Variants in TTK observed in about 807,000 individuals in gnomAD.
TTK encodes the protein TTK protein kinase.
Under a neutral mutation model 117.3 loss-of-function variants are expected in TTK, and 59 were observed. The ratio of observed to expected loss-of-function variants is 0.50; its 90% CI spans 0.41 to 0.62. The LOEUF (loss-of-function observed/expected upper bound fraction) is 0.62. Among genes scored for constraint, TTK ranks in the 20% least tolerant of loss-of-function variants. The probability of loss-of-function intolerance (pLI) is 0.00; values close to 1 mark genes in which losing one functional copy is unlikely to be tolerated. For synonymous variants in TTK, 302 were observed against 325.0 expected, an observed-to-expected ratio of 0.93 and a Z score of 0.76; for missense variants, 921 against 989.4, an observed-to-expected ratio of 0.93 and a Z score of 0.93.
In TTK at chr6:80,035,410, T is replaced by A. The variant is rs1164609977; in HGVS notation, c.1917T>A (p.His639Gln). 6.2e-7 allele frequency: 1 copy of A among 1,601,862 alleles called. No individual in the cohort carries two copies. The highest frequency in any genetic ancestry group is 8.5e-7 in the Non-Finnish European group (1 of 1,176,478). ...TGTTAGAGGCAGTTCACACAATCCA[T>A]CAACATGGTATTTAACAGTTTTTTT... is the stretch of plus-strand genomic sequence containing the variant. ...KNMLEAVHTI[H>Q]QHGIVHSDLK... Residue 639 changes from histidine (H) to glutamine (Q), a missense_variant, in exon 16 of 22, where the codon CAT (histidine) becomes CAA (glutamine). Transcript: ENST00000369798.
At chr6:80,014,798 G>A (rs1767261298) in intron 10 of TTK, among the ~76,000 whole-genome samples, 1 of 152,188 alleles carries the variant, frequency 6.6e-6, no homozygotes, top group African/African-American at 2.4e-5. Flanking sequence ...AAAAGAAAGA[G>A]TGGAGGGAAA....
chr6:80,039,513 C>G (rs143791437), intron 18 of TTK, among the ~76,000 whole-genome samples, 183 bp from the exon 19 acceptor site: 81 of 151,878 alleles, frequency 5.3e-4, no homozygotes, highest in African/African-American at 1.9e-3. Flanking sequence ...AAGCTCATAT[C>G]TTCTGATGGA....
chr6:80,006,173 A>G (rs1341758201), intron 2 of TTK, 191 bp downstream of exon 2: 4 of 669,350 alleles, frequency 6.0e-6, no homozygotes, highest in South Asian at 1.5e-5. Context: ...TGTCTGGCAC[A>G]TGGTAGGTAG....
chr6:80,040,341 A>C (rs571446976), intron 20 of TTK, 61 bp downstream of exon 20: 2 of 1,346,120 alleles, frequency 1.5e-6, no homozygotes, highest in East Asian at 4.9e-5. Context: ...TCTGTTACCT[A>C]TTAATATAAC....
intron 20 of TTK, 142 bp downstream of exon 20, chr6:80,040,422 A>G: frequency 3.3e-6 from 3 of 918,380 alleles, no homozygotes; most frequent in Non-Finnish European, 3.2e-6. Context: ...ATTATTATAA[A>G]TAGTAAAGTA....
chr6:80,028,026 A>G lies in TTK; in HGVS notation c.1521+15A>G. 4 of 1,586,108 alleles carry G rather than the reference A, an allele frequency of 2.5e-6. No individual in the cohort carries two copies. Among genetic ancestry groups the G allele is most frequent in the Non-Finnish European group, 3.4e-6 (4 of 1,167,774 alleles). On this transcript the variant is annotated intron_variant, in intron 13 of 21. Transcript: ENST00000369798. ...AAAATTTACAGGTTCGATAAGCTTT[A>G]TATATGATGGTATATGTTAAGATAC...
At position 80,039,730 on chromosome 6, in the gene TTK, G is replaced by A. The variant is rs1345780743; in HGVS notation, c.2165G>A (p.Cys722Tyr). The change falls in exon 19 of 22, where the codon TGT (cysteine) becomes TAT (tyrosine). Residue 722 changes from cysteine to tyrosine, a missense_variant. Transcript: ENST00000369798. ...SPKSDVWSLG[C>Y]ILYYMTYGKT... ...AAAAGTGATGTTTGGTCCTTAGGAT[G>A]TATTTTGTACTATATGACTTACGGG... The A allele has an allele frequency of 1.3e-6, 2 of 1,556,070 alleles. No individual in the cohort carries two copies. Among genetic ancestry groups the A allele is most frequent in the Admixed American group, 1.9e-5 (1 of 52,042 alleles).
At chr6:80,019,062 C>CT (rs1433245035) in intron 10 of TTK, among the ~76,000 whole-genome samples, 1 of 152,106 alleles carries the variant, frequency 6.6e-6, no homozygotes, top group Non-Finnish European at 1.5e-5. Context: ...TTTTTATCTC[C>CT]TTTGTCTATC....
chr6:80,026,250 A>C lies in TTK; in HGVS notation c.1258-128A>C, dbSNP rs1009383717. Reference sequence around the variant, plus strand: ...AAGTCTAAAATGTATATATATGCCTATCTCTTTTAGTATGCCTTTGTATAT... The same window carrying C: ...AAGTCTAAAATGTATATATATGCCTCTCTCTTTTAGTATGCCTTTGTATAT... On this transcript the variant is annotated intron_variant, in intron 11 of 21. Transcript: ENST00000369798. 4.2e-6 allele frequency: 4 copies of C among 950,238 alleles called. No homozygotes were observed. In the African/African-American group the frequency reaches 6.8e-5, roughly 16 times the overall value. 58.9% of individuals were successfully genotyped at this position (950,238 alleles called of 1,614,324 possible). A position where few individuals can be genotyped will look rare whatever the true frequency, so the allele number is the denominator to read the frequency against.
chr6:80,006,675 G>A (rs1767003001), intron 2 of TTK, among the ~76,000 whole-genome samples: 1 of 152,110 alleles, frequency 6.6e-6, no homozygotes, highest in Non-Finnish European at 1.5e-5. Flanking sequence ...TTTATTTGTT[G>A]ATTAGAGGAA....
chr6:80,034,252 G>A (rs1174486539), intron 14 of TTK, among the ~76,000 whole-genome samples: 2 of 152,092 alleles, frequency 1.3e-5, no homozygotes, highest in African/African-American at 4.8e-5. Flanking sequence ...CAGTCATGGG[G>A]TAATGAGAAT....
At chr6:80,031,305 T>G (rs1284666557) in intron 13 of TTK, among the ~76,000 whole-genome samples, 162 bp from the exon 14 acceptor site, 4 of 151,852 alleles carry the variant, frequency 2.6e-5, no homozygotes, top group Non-Finnish European at 5.9e-5. Context: ...TTTTAAGGTT[T>G]TTTTTCTTTG....
intron 10 of TTK, among the ~76,000 whole-genome samples, chr6:80,020,737 A>G (rs962476987): frequency 6.6e-6 from 1 of 152,240 alleles, no homozygotes; most frequent in African/African-American, 2.4e-5. Flanking sequence ...GATGACAAAA[A>G]TCAGAGGCCA....
chr6:80,040,792 G>T, intron 21 of TTK, 89 bp downstream of exon 21: 1 of 1,212,936 alleles, frequency 8.2e-7, no homozygotes, highest in Non-Finnish European at 1.2e-6. Flanking sequence ...AGAAAAGTTG[G>T]TCCAATCATC....
chr6:80,030,987 G>A (rs570406180), intron 13 of TTK, among the ~76,000 whole-genome samples: 2 of 151,184 alleles, frequency 1.3e-5, no homozygotes, highest in African/African-American at 4.9e-5. Flanking sequence ...AGAGGGTGCA[G>A]TGAGCCGAGA....
At chr6:80,027,670 T>C in intron 12 of TTK, among the ~76,000 whole-genome samples, 1 of 152,212 alleles carries the variant, frequency 6.6e-6, no homozygotes, top group East Asian at 1.9e-4. Context: ...ATTTCTTGTC[T>C]GCATACAAAT....
At chr6:80,032,859 A>G (rs1767795791) in intron 14 of TTK, among the ~76,000 whole-genome samples, 1 of 152,132 alleles carries the variant, frequency 6.6e-6, no homozygotes, top group Non-Finnish European at 1.5e-5. Context: ...TAAATTGTAT[A>G]TTGACAAATT....
intron 11 of TTK, among the ~76,000 whole-genome samples, chr6:80,024,178 G>A (rs1215455244): frequency 6.6e-6 from 1 of 152,180 alleles, no homozygotes; most frequent in African/African-American, 2.4e-5. Flanking sequence ...AAATGGTGCA[G>A]TCATTTTGGA....
At chr6:80,006,110 A>G in intron 2 of TTK, 128 bp downstream of exon 2, 1 of 1,276,708 alleles carries the variant, frequency 7.8e-7, no homozygotes, top group Non-Finnish European at 1.1e-6. Context: ...ATTAGAATGC[A>G]GGCTACATGA....
Sources: allele counts gnomAD v4.1 joint callset (sites outside exome capture counted in the v4.1 genomes callset), GRCh38; gene constraint gnomAD v4.1.1; transcripts MANE v1.5; gene names NCBI Gene and HGNC (gene_info 2026-07-23, HGNC 2026-07-21).